The following DMD variants were observed in gnomAD, a reference collection of about 807,000 sequenced individuals.
DMD encodes the protein dystrophin, also known as mutant dystrophin.
Under a neutral mutation model 330.1 loss-of-function variants are expected in DMD, and 63 were observed. The ratio of observed to expected loss-of-function variants is 0.19; its 90% confidence interval spans 0.16 to 0.24. The LOEUF (loss-of-function observed/expected upper bound fraction) is 0.24. DMD is among the 10% of genes least tolerant of loss of function. The pLI, the probability that DMD is intolerant of heterozygous loss-of-function variation, is 1.00. For missense variants in DMD, 3,344 were observed against 2,684.1 expected (o/e 1.25, Z -5.43); for synonymous variants, 1,223 against 959.8 (o/e 1.27, Z -5.07).
At chrX:32,935,136 G>A (rs113087091) in intron 2 of DMD, among the ~76,000 whole-genome samples, 1 of 112,272 alleles carries the variant, frequency 8.9e-6, no homozygotes, top group African/African-American at 3.2e-5. Context: ...CCGCCACCAC[G>A]CCCCGCTAAT....
intron 21 of DMD, among the ~76,000 whole-genome samples, chrX:32,484,232 G>T (rs936499432): frequency 1.8e-5 from 2 of 111,727 alleles, no homozygotes; most frequent in Admixed American, 9.5e-5. Context: ...TCTCTGAAAA[G>T]AATTTTTGTC....
intron 2 of DMD, among the ~76,000 whole-genome samples, chrX:32,887,678 G>A (rs1452919332): frequency 1.0e-5 from 1 of 98,674 alleles, no homozygotes; most frequent in Non-Finnish European, 2.0e-5. Context: ...AGCCCGGAAG[G>A]TGGAGGTTGC....
chrX:32,149,819 T>C lies in DMD; in HGVS notation c.6438+67097A>G, dbSNP rs73219229. On this transcript the variant is annotated intron_variant, in intron 44 of 78. Transcript: ENST00000357033. ...TGCAAAAATGATCTAATGGGATGTGTTTTCAAGAAACACTGGTAAGGGAAA... is the reference window on the plus strand; with the variant it reads ...TGCAAAAATGATCTAATGGGATGTGCTTTCAAGAAACACTGGTAAGGGAAA... 9.6e-3 allele frequency among the ~76,000 whole-genome samples: 1,073 copies of C among 111,599 alleles called. 5 individuals carry two copies. Among genetic ancestry groups the C allele is most frequent in the Non-Finnish European group, 0.016 (852 of 53,084 alleles).
At chrX:33,017,743 C>T (rs1459131552) in intron 2 of DMD, among the ~76,000 whole-genome samples, 3 of 111,359 alleles carry the variant, frequency 2.7e-5, no homozygotes, top group African/African-American at 9.8e-5. Context: ...GCTCAGATTA[C>T]TGCCTTCTCA....
intron 51 of DMD, among the ~76,000 whole-genome samples, chrX:31,748,504 C>T (rs959244932): frequency 1.8e-5 from 2 of 111,645 alleles, no homozygotes; most frequent in South Asian, 3.7e-4. Flanking sequence ...GTAATATTCC[C>T]CATTACTATC....
intron 1 of DMD, among the ~76,000 whole-genome samples, chrX:33,185,714 A>G (rs763401332): frequency 9.9e-5 from 11 of 111,308 alleles, no homozygotes; most frequent in Admixed American, 2.9e-4. Flanking sequence ...CTTCCCCTCC[A>G]ATTTTGATCC....
intron 2 of DMD, among the ~76,000 whole-genome samples, chrX:32,886,454 T>C (rs1163299480): frequency 1.8e-5 from 2 of 110,073 alleles, no homozygotes; most frequent in African/African-American, 3.3e-5. Flanking sequence ...GAGGCCGAGG[T>C]GGGAAGATTA....
At chrX:32,004,304 C>A (rs1205538805) in intron 44 of DMD, among the ~76,000 whole-genome samples, 4 of 111,410 alleles carry the variant, frequency 3.6e-5, no homozygotes, top group Non-Finnish European at 7.6e-5. Flanking sequence ...TCATGTATAT[C>A]AGAGATATTA....
chrX:32,386,592 T>A (rs1372189953), intron 32 of DMD, 127 bp from the exon 33 acceptor site: 3 of 595,982 alleles, frequency 5.0e-6, no homozygotes, highest in Non-Finnish European at 7.7e-6. Flanking sequence ...TAGAGTAGCA[T>A]TTTGCAGCGG....
intron 11 of DMD, among the ~76,000 whole-genome samples, chrX:32,619,552 T>C (rs766425514): frequency 2.1e-4 from 23 of 112,115 alleles, no homozygotes; most frequent in Admixed American, 6.6e-4. Flanking sequence ...AGCATCACGT[T>C]GTACATGATG....
At chrX:33,323,818 A>G (rs1354560192) in intron 1 of DMD, among the ~76,000 whole-genome samples, 1 of 111,561 alleles carries the variant, frequency 9.0e-6, no homozygotes, top group Non-Finnish European at 1.9e-5. Context: ...GCAATTGCAC[A>G]TGGTGTGATC....
intron 36 of DMD, among the ~76,000 whole-genome samples, chrX:32,363,466 A>C (rs776964223): frequency 8.9e-6 from 1 of 112,042 alleles, no homozygotes; most frequent in South Asian, 3.7e-4. Context: ...ATTTTCTAAC[A>C]CATACGAATT....
chrX:31,742,476 G>A (rs2087439343), intron 51 of DMD, among the ~76,000 whole-genome samples: 1 of 112,006 alleles, frequency 8.9e-6, no homozygotes, highest in Admixed American at 9.5e-5. Flanking sequence ...TGTGTCTCAG[G>A]GAATAGGGAG....
chrX:31,541,898 T>G lies in DMD; in HGVS notation c.8218-34445A>C, dbSNP rs2073852510. Among the ~76,000 whole-genome samples, 4 of 111,790 alleles carry G rather than the reference T, an allele frequency of 3.6e-5. No homozygotes were observed. The South Asian group carries it at 1.5e-3, about 42-fold the overall frequency. On this transcript the variant is annotated intron_variant, in intron 55 of 78. Transcript: ENST00000357033. ...CATGCCAGATTTCAAAGACTTAGAA[T>G]GGAAAAAGCAAATTTTATTAATACT...
intron 7 of DMD, among the ~76,000 whole-genome samples, chrX:32,807,326 C>G (rs1453578757): frequency 9.1e-6 from 1 of 110,199 alleles, no homozygotes; most frequent in Non-Finnish European, 1.9e-5. Flanking sequence ...ACAAACACCT[C>G]TACGCAAATA....
intron 1 of DMD, among the ~76,000 whole-genome samples, chrX:33,203,244 T>C (rs2051381011): frequency 1.8e-5 from 2 of 111,933 alleles, no homozygotes; most frequent in Admixed American, 9.5e-5. Context: ...CTGTATTCTC[T>C]AAAGGATGAT....
At chrX:31,568,775 G>A (rs72625594) in intron 55 of DMD, among the ~76,000 whole-genome samples, 1,910 of 110,909 alleles carry the variant, frequency 0.017, 18 homozygotes, top group East Asian at 0.035. Flanking sequence ...GGATATATTA[G>A]GGCTTCAATC....
chrX:33,125,244 C>T (rs140991687), intron 1 of DMD, among the ~76,000 whole-genome samples: 1,946 of 110,438 alleles, frequency 0.018, 50 homozygotes, highest in African/African-American at 0.06. Flanking sequence ...TCTTATCAAA[C>T]TGGAATAACA....
At chrX:33,141,950 T>C in intron 1 of DMD, among the ~76,000 whole-genome samples, 1 of 112,600 alleles carries the variant, frequency 8.9e-6, no homozygotes. Flanking sequence ...ATTTCTTGTG[T>C]GTATATATTT....
Sources: allele counts gnomAD v4.1 joint callset (sites outside exome capture counted in the v4.1 genomes callset), GRCh38; gene constraint gnomAD v4.1.1; transcripts MANE v1.5; gene names NCBI Gene and HGNC (gene_info 2026-07-23, HGNC 2026-07-21).